LIMD1: variants seen among roughly 807,000 people sequenced by gnomAD.
LIMD1 encodes LIM domain-containing protein 1.
Under a neutral mutation model 58.4 loss-of-function variants are expected in LIMD1, and 23 were observed. The ratio of observed to expected loss-of-function variants is 0.39; its 90% CI spans 0.28 to 0.56. LIMD1 has a LOEUF of 0.56. Among genes scored for constraint, LIMD1 ranks in the 20% least tolerant of loss-of-function variants. The probability of loss-of-function intolerance (pLI) is 0.57; values close to 1 mark genes in which losing one functional copy is unlikely to be tolerated. For missense variants in LIMD1, 838 were observed against 855.5 expected (o/e 0.98, Z 0.25); for synonymous variants, 334 against 345.5 (o/e 0.97, Z 0.37).
intron 2 of LIMD1, among the ~76,000 whole-genome samples, chr3:45,664,026 A>G (rs187109497): frequency 7.6e-4 from 115 of 152,096 alleles, no homozygotes; most frequent in South Asian, 3.9e-3. Flanking sequence ...GCATGCCACC[A>G]TGCCCAGCTC....
At chr3:45,676,816 A>G in intron 7 of LIMD1, 106 bp from the exon 8 acceptor site, 3 of 1,100,276 alleles carry the variant, frequency 2.7e-6, no homozygotes, top group Non-Finnish European at 4.1e-6. Flanking sequence ...TCCTGCCTAT[A>G]CAGAAACACA....
chr3:45,595,096 G>C lies in LIMD1; in HGVS notation c.217G>C (p.Gly73Arg), dbSNP rs763102347. The C allele has an allele frequency of 6.8e-6, 11 of 1,612,514 alleles. No homozygotes were observed. Among genetic ancestry groups the C allele is most frequent in the Non-Finnish European group, 8.5e-6 (10 of 1,179,552 alleles). Residue 73 changes from glycine to arginine, a missense_variant, in exon 1 of 8, where the codon GGG (glycine) becomes CGG (arginine). Physicochemically the swap from Gly to Arg is moderately radical, Grantham distance 125. Around this residue, in one of 3 missense-constraint regions of LIMD1, gnomAD observed 659 missense variants for 639.8 expected, o/e 1.03. Transcript: ENST00000273317. ...QLLQEETLPR[G>R]SRGPVNGGGR... is the part of the protein sequence containing the mutation. ...CCTGCAGGAGGAGACTCTGCCCAGG[G>C]GGAGTAGAGGCCCTGTCAATGGAGG...
chr3:45,672,935 C>T (rs982024162), intron 5 of LIMD1, 115 bp downstream of exon 5: 3 of 1,262,458 alleles, frequency 2.4e-6, no homozygotes, highest in Non-Finnish European at 3.4e-6. Context: ...GATCACAGTC[C>T]AGCAAAGGCT....
intron 2 of LIMD1, among the ~76,000 whole-genome samples, chr3:45,646,307 T>C (rs962585872): frequency 2.6e-5 from 4 of 152,222 alleles, no homozygotes; most frequent in African/African-American, 7.2e-5. Flanking sequence ...AAGGGGCCTG[T>C]TGCAGTGCCG....
At chr3:45,668,747 C>T (rs1697551528) in intron 4 of LIMD1, among the ~76,000 whole-genome samples, 1 of 81,698 alleles carries the variant, frequency 1.2e-5, no homozygotes, top group Admixed American at 1.5e-4. Context: ...AGTGAGACTC[C>T]ACCTCAAAAA....
intron 2 of LIMD1, among the ~76,000 whole-genome samples, chr3:45,662,983 CAAA>C (rs200455107): frequency 1.6e-5 from 2 of 126,540 alleles, no homozygotes; most frequent in Non-Finnish European, 3.4e-5. Flanking sequence ...GACTCCGTCT[CAAA>C]AAAAAAAAAC....
intron 2 of LIMD1, among the ~76,000 whole-genome samples, chr3:45,660,667 C>A (rs548423429): frequency 6.6e-6 from 1 of 152,236 alleles, no homozygotes; most frequent in South Asian, 2.1e-4. Flanking sequence ...CCAACAGCCT[C>A]AGCCTCCCAG....
rs1401490569 is a variant in LIMD1 at position 45,681,548 on chromosome 3, G to A, written c.*4489G>A. 2.0e-5 allele frequency: 3 copies of A among 152,256 alleles called. No individual in the cohort carries two copies. Among genetic ancestry groups the A allele is most frequent in the Non-Finnish European group, 2.9e-5 (2 of 68,052 alleles). 9.4% of individuals were successfully genotyped at this position (152,256 alleles called of 1,614,324 possible). A position where few individuals can be genotyped will look rare whatever the true frequency, so the allele number is the denominator to read the frequency against. On this transcript the variant is annotated 3_prime_UTR_variant, in exon 8 of 8. Coordinates refer to ENST00000273317, the MANE Select transcript of LIMD1 (RefSeq NM_014240.3). ...ATTTACACTGGTTCCCTGAGCCCCA[G>A]GCCCCAAGAAGAGGGCCAGGTGAGA...
chr3:45,677,089 G>A lies in LIMD1; in HGVS notation c.*30G>A. On this transcript the variant is annotated 3_prime_UTR_variant, in exon 8 of 8. Coordinates refer to ENST00000273317, the MANE Select transcript of LIMD1 (RefSeq NM_014240.3). The stretch of plus-strand genomic sequence containing the variant: ...AGCCACTTGCAGACATCACGGCAGG[G>A]GATGAGGAGCCGGGGTTGCTGCTGC... The A allele has an allele frequency of 6.2e-7, 1 of 1,604,072 alleles. No homozygotes were observed. Among genetic ancestry groups the A allele is most frequent in the South Asian group, 1.1e-5 (1 of 90,884 alleles).
intron 1 of LIMD1, among the ~76,000 whole-genome samples, chr3:45,603,774 T>G (rs1027402264): frequency 3.3e-5 from 5 of 152,154 alleles, no homozygotes; most frequent in Admixed American, 3.3e-4. Context: ...AGTGCTGGGA[T>G]TACAGTCGTG....
At chr3:45,639,848 A>C (rs1212970517) in intron 2 of LIMD1, among the ~76,000 whole-genome samples, 2 of 152,120 alleles carry the variant, frequency 1.3e-5, no homozygotes, top group African/African-American at 4.8e-5. Context: ...TTTTTAGTAG[A>C]GACAGGGTTT....
intron 1 of LIMD1, among the ~76,000 whole-genome samples, chr3:45,619,280 AT>A (rs1701607700): frequency 6.6e-6 from 1 of 152,086 alleles, no homozygotes; most frequent in Non-Finnish European, 1.5e-5. Flanking sequence ...AAGTTCTGAG[AT>A]TATAGATGTG....
chr3:45,658,535 C>CTTT (rs10572210), intron 2 of LIMD1, among the ~76,000 whole-genome samples: 1,645 of 44,808 alleles, frequency 0.037, 331 homozygotes, highest in Non-Finnish European at 0.056. Context: ...CATGCAGATT[C>CTTT]TTTTTTTTTT....
intron 1 of LIMD1, among the ~76,000 whole-genome samples, chr3:45,615,766 AG>A (rs1701569850): frequency 6.6e-6 from 1 of 151,562 alleles, no homozygotes; most frequent in Admixed American, 6.6e-5. Flanking sequence ...AAAAAAAAAA[AG>A]TAATTTCTCA....
chr3:45,629,669 G>A (rs1320182753), intron 1 of LIMD1, among the ~76,000 whole-genome samples: 3 of 152,162 alleles, frequency 2.0e-5, no homozygotes, highest in Admixed American at 1.3e-4. Flanking sequence ...GCTGGACGGC[G>A]AGAGGAACAC....
intron 1 of LIMD1, 71 bp from the exon 2 acceptor site, chr3:45,636,079 C>G (rs1701785148): frequency 6.2e-7 from 1 of 1,602,760 alleles, no homozygotes; most frequent in Non-Finnish European, 8.5e-7. Context: ...ATGCTTTGTT[C>G]ATTGGCTTTT....
At chr3:45,674,203 C>A in intron 6 of LIMD1, 140 bp from the exon 7 acceptor site, 1 of 610,390 alleles carries the variant, frequency 1.6e-6, no homozygotes, top group Admixed American at 2.4e-5. Flanking sequence ...CCAGTAAGTA[C>A]TCCTGATTTA....
chr3:45,664,534 A>G (rs539855729), intron 2 of LIMD1, among the ~76,000 whole-genome samples: 1 of 152,292 alleles, frequency 6.6e-6, no homozygotes, highest in African/African-American at 2.4e-5. Flanking sequence ...TTCAGACAAC[A>G]CTAGATCTGG....
At chr3:45,598,388 G>A (rs1402390985) in intron 1 of LIMD1, among the ~76,000 whole-genome samples, 1 of 152,220 alleles carries the variant, frequency 6.6e-6, no homozygotes, top group Non-Finnish European at 1.5e-5. Flanking sequence ...TTGTTTAGTT[G>A]TAAATTTCAA....
Sources: allele counts gnomAD v4.1 joint callset (sites outside exome capture counted in the v4.1 genomes callset), GRCh38; gene constraint gnomAD v4.1.1; regional missense constraint gnomAD v4.1.1; transcripts MANE v1.5; gene names NCBI Gene and HGNC (gene_info 2026-07-23, HGNC 2026-07-21).